The following MOSPD2 variants were observed in gnomAD, a reference collection of about 807,000 sequenced individuals.
MOSPD2 encodes motile sperm domain-containing protein 2.
MOSPD2 carries 5 observed loss-of-function variants against 41.7 expected under a neutral mutation model. The ratio of observed to expected loss-of-function variants is 0.12; its 90% CI spans 0.06 to 0.25. The LOEUF (loss-of-function observed/expected upper bound fraction) is 0.25, where lower values mean the gene tolerates loss of function less well. Among genes scored for constraint, MOSPD2 ranks in the 10% least tolerant of loss-of-function variants. The probability of loss-of-function intolerance (pLI) is 1.00; values close to 1 mark genes in which losing one functional copy is unlikely to be tolerated. For missense variants in MOSPD2, 282 were observed against 375.2 expected, an observed-to-expected ratio of 0.75 and a Z score of 2.05; for synonymous variants, 115 against 126.9, an observed-to-expected ratio of 0.91 and a Z score of 0.63.
Position 14,921,162 on chromosome X carries a change from T to A in MOSPD2, c.*1353T>A. 2.2e-6 allele frequency: 2 copies of A among 892,317 alleles called. No individual in the cohort carries two copies. Among genetic ancestry groups the A allele is most frequent in the Non-Finnish European group, 2.8e-6 (2 of 727,141 alleles). The allele number at this position is 892,317 out of a possible 1,213,427, so 73.5% of individuals were successfully genotyped here. A position where few individuals can be genotyped will look rare whatever the true frequency, so the allele number is the denominator to read the frequency against. ...TACTTTATATGAAAGAAAAAACAGTTGTCTGCCTGTAAAATGTTGAGTTTC... is the reference window on the plus strand; with the variant it reads ...TACTTTATATGAAAGAAAAAACAGTAGTCTGCCTGTAAAATGTTGAGTTTC... On this transcript the variant is annotated 3_prime_UTR_variant, in exon 15 of 15. Coordinates refer to ENST00000380492, the MANE Select transcript of MOSPD2 (RefSeq NM_152581.4).
Position 14,918,704 on chromosome X carries a change from C to T in MOSPD2, c.1341C>T (p.Ser447=). 3 of 1,197,701 alleles carry T rather than the reference C, an allele frequency of 2.5e-6. No homozygotes were observed. The highest frequency in any genetic ancestry group is 3.4e-6 in the Non-Finnish European group (3 of 883,988). ...GGTTAAGATGCCATACTGTTGAAAG[C>T]AGTAAACCAAACACTCTTACGTTAA... ...EHRLRCHTVE[S]SKPNTLTLKD... The change falls in exon 14 of 15, where the codon AGC becomes AGT. Residue 447 remains serine (S), a synonymous_variant. Coordinates refer to ENST00000380492, the MANE Select transcript of MOSPD2 (RefSeq NM_152581.4).
chrX:14,916,238 G>A lies in MOSPD2; in HGVS notation c.1228G>A (p.Ala410Thr), dbSNP rs1468017402. 2.9e-5 allele frequency: 35 copies of A among 1,210,370 alleles called. No individual in the cohort carries two copies. The Admixed American group carries it at 7.6e-4, about 26-fold the overall frequency. Residue 410 changes from alanine to threonine, a missense_variant, in exon 13 of 15, where the codon GCA (alanine) becomes ACA (threonine). By Grantham distance (58) the Ala-to-Thr change is moderately conservative (BLOSUM62 0). This residue lies in a region of MOSPD2 where 94 missense variants were observed against 102.1 expected (regional missense o/e 0.92). Transcript: ENST00000380492. ...CCAAGACCGTTTTCTGATAATGGCT[G>A]CAGAAATGGAACAGTCATCTGGCAC... ...SAQDRFLIMAAEMEQSSGTGP... is the reference protein window; with the variant it reads ...SAQDRFLIMATEMEQSSGTGP...
intron 5 of MOSPD2, 105 bp downstream of exon 5, chrX:14,897,343 C>T (rs2092564795): frequency 3.2e-6 from 2 of 626,569 alleles, no homozygotes; most frequent in African/African-American, 4.5e-5. Flanking sequence ...AGGTAACTAA[C>T]TTATATTAGG....
intron 2 of MOSPD2, among the ~76,000 whole-genome samples, chrX:14,889,698 A>G (rs1252563298): frequency 9.0e-6 from 1 of 111,648 alleles, no homozygotes; most frequent in East Asian, 2.8e-4. Flanking sequence ...TAAATGGTCA[A>G]CAACTAGCAT....
At chrX:14,878,401 G>A (rs2092525273) in intron 2 of MOSPD2, among the ~76,000 whole-genome samples, 1 of 111,885 alleles carries the variant, frequency 8.9e-6, no homozygotes, top group African/African-American at 3.2e-5. Flanking sequence ...CTTAACTGAT[G>A]GTTGTTTTAG....
chrX:14,908,555 A>G (rs750254652), intron 7 of MOSPD2, among the ~76,000 whole-genome samples: 4 of 111,635 alleles, frequency 3.6e-5, no homozygotes, highest in Non-Finnish European at 5.6e-5. Context: ...CAGTGTCTGG[A>G]AATCTAAATA....
chrX:14,911,782 G>A (rs1262495311), intron 9 of MOSPD2, among the ~76,000 whole-genome samples: 3 of 111,686 alleles, frequency 2.7e-5, no homozygotes, highest in Non-Finnish European at 1.9e-5. Context: ...AGCTACTCTG[G>A]AGGCTGAGTT....
rs766173278 is a variant in MOSPD2, at chrX:14,873,525, G to A, written c.-4G>A. ...CAACCGCAATCACATCCACGACGGT[G>A]ATCATGGCAGAGGTGAGGAGCCTAT... On this transcript the variant is annotated 5_prime_UTR_variant, in exon 1 of 15. Coordinates refer to ENST00000380492, the MANE Select transcript of MOSPD2 (RefSeq NM_152581.4). The A allele has an allele frequency of 3.3e-6, 4 of 1,212,071 alleles. No homozygotes were observed. Among genetic ancestry groups the A allele is most frequent in the Non-Finnish European group, 1.1e-6 (1 of 895,456 alleles).
intron 10 of MOSPD2, among the ~76,000 whole-genome samples, chrX:14,912,902 G>A (rs759743444): frequency 5.4e-5 from 6 of 111,746 alleles, no homozygotes; most frequent in Admixed American, 2.8e-4. Context: ...TTTGCCTTAC[G>A]TTACATTGCT....
At chrX:14,880,692 T>C (rs1192301458) in intron 2 of MOSPD2, among the ~76,000 whole-genome samples, 1 of 112,145 alleles carries the variant, frequency 8.9e-6, no homozygotes, top group African/African-American at 3.2e-5. Context: ...CCCATCATGA[T>C]TGATGATTGA....
At chrX:14,878,315 C>T (rs1294806683) in intron 2 of MOSPD2, among the ~76,000 whole-genome samples, 1 of 111,789 alleles carries the variant, frequency 8.9e-6, no homozygotes, top group Non-Finnish European at 1.9e-5. Flanking sequence ...GGAAGTTGCA[C>T]CAATATTCAT....
intron 10 of MOSPD2, among the ~76,000 whole-genome samples, chrX:14,913,864 A>AT (rs1423221582): frequency 9.0e-6 from 1 of 110,799 alleles, no homozygotes; most frequent in Non-Finnish European, 1.9e-5. Context: ...AATCTTTTAA[A>AT]TTTTTTTTTA....
At chrX:14,873,604 G>C in intron 1 of MOSPD2, 67 bp downstream of exon 1, 1 of 1,207,339 alleles carries the variant, frequency 8.3e-7, no homozygotes. Context: ...CCCGGGGACC[G>C]AGCGCCCGTG....
At chrX:14,919,122 C>G (rs1339538268) in intron 14 of MOSPD2, among the ~76,000 whole-genome samples, 1 of 111,336 alleles carries the variant, frequency 9.0e-6, no homozygotes, top group Admixed American at 9.5e-5. Context: ...AGGAGGATTG[C>G]TTGACCCTGG....
Position 14,878,429 on chromosome X carries a change from A to G in MOSPD2, c.79+4671A>G, listed in dbSNP as rs749638516. Among the ~76,000 whole-genome samples, 7 of 112,390 alleles carry G rather than the reference A, an allele frequency of 6.2e-5. No homozygotes were observed. The South Asian group carries it at 1.1e-3, about 18-fold the overall frequency. ...TGTTTTAGTTTGCTTTTGATTGCTAATAAGGGTAAATTATTTTCATGCATT... is the reference window on the plus strand; with the variant it reads ...TGTTTTAGTTTGCTTTTGATTGCTAGTAAGGGTAAATTATTTTCATGCATT... On this transcript the variant is annotated intron_variant, in intron 2 of 14. Transcript: ENST00000380492.
chrX:14,895,571 C>A (rs1418772751), intron 4 of MOSPD2, among the ~76,000 whole-genome samples, 177 bp downstream of exon 4: 2 of 111,614 alleles, frequency 1.8e-5, no homozygotes, highest in African/African-American at 6.5e-5. Context: ...GCTGTGCATA[C>A]TGTTTGCATT....
intron 2 of MOSPD2, among the ~76,000 whole-genome samples, chrX:14,878,285 A>C (rs756506212): frequency 3.6e-5 from 4 of 111,576 alleles, no homozygotes; most frequent in Middle Eastern, 4.3e-3. Context: ...CTTTGCTCAT[A>C]TGTGCTAAAC....
chrX:14,891,467 A>G (rs1391441482), intron 2 of MOSPD2, among the ~76,000 whole-genome samples: 7 of 111,127 alleles, frequency 6.3e-5, no homozygotes, highest in African/African-American at 2.0e-4. Flanking sequence ...GTAATATGGC[A>G]TACATGATCA....
At chrX:14,883,474 G>A (rs189399764) in intron 2 of MOSPD2, among the ~76,000 whole-genome samples, 266 of 111,997 alleles carry the variant, frequency 2.4e-3, no homozygotes, top group Non-Finnish European at 4.2e-3. Context: ...CAAGGAATAG[G>A]AGGACAAAAA....
Sources: gnomAD v4.1 joint callset for allele counts (sites outside exome capture counted in the v4.1 genomes callset) on GRCh38, gnomAD v4.1.1 for gene constraint, gnomAD v4.1.1 regional missense constraint, MANE v1.5 for transcripts, NCBI Gene and HGNC (gene_info 2026-07-23, HGNC 2026-07-21) for gene names.